CDH12: variants seen among roughly 807,000 people sequenced by gnomAD.
CDH12 encodes the protein cadherin 12.
A neutral mutation model predicts 74.1 loss-of-function variants in CDH12; 41 were observed. The ratio of observed to expected loss-of-function variants is 0.55; its 90% confidence interval spans 0.43 to 0.72. CDH12 has a LOEUF of 0.72. CDH12 is among the 30% of genes least tolerant of loss of function. The pLI, the probability that CDH12 is intolerant of heterozygous loss-of-function variation, is 0.00. For synonymous variants in CDH12, 399 were observed against 355.0 expected (o/e 1.12, Z -1.39); for missense variants, 945 against 977.2 (o/e 0.97, Z 0.44).
chr5:21,981,397 A>G (rs1437723352), intron 5 of CDH12, among the ~76,000 whole-genome samples: 2 of 151,870 alleles, frequency 1.3e-5, no homozygotes, highest in African/African-American at 2.4e-5. Flanking sequence ...TAATTGTTTT[A>G]TTATTTTCTA....
Position 21,842,177 on chromosome 5 carries a change from T to A in CDH12, c.798A>T (p.Pro266=). 1 of 1,609,782 alleles carries A rather than the reference T, an allele frequency of 6.2e-7. No individual in the cohort carries two copies. Among genetic ancestry groups the A allele is most frequent in the East Asian group, 2.2e-5 (1 of 44,758 alleles). The change falls in exon 8 of 15, where the codon CCA becomes CCT. Residue 266 remains proline, a synonymous_variant. Transcript: ENST00000382254. ...NITLTDVNDN[P]PRFPKSIFHL... is the part of the protein sequence containing the mutation. The stretch of plus-strand genomic sequence containing the variant: ...GTGACATACTTTTGGGGAATCGAGG[T>A]GGATTGTCATTGACATCGGTGAGAG...
rs372567541 is a variant in CDH12, at chr5:22,793,337, C to T, written c.-523+59721G>A. Among the ~76,000 whole-genome samples the T allele has an allele frequency of 9.5e-4, 145 of 152,212 alleles. 4 individuals carry two copies. In the South Asian group the frequency reaches 0.029, roughly 30 times the overall value. ...TATTATAGATTATTTTTCTGCTATA[C>T]AAATTATATACTGTGCCTTCCTGCT... On this transcript the variant is annotated intron_variant, in intron 1 of 14. Coordinates refer to ENST00000382254, the MANE Select transcript of CDH12 (RefSeq NM_004061.5).
At chr5:21,874,074 G>A (rs534149488) in intron 6 of CDH12, among the ~76,000 whole-genome samples, 1 of 152,090 alleles carries the variant, frequency 6.6e-6, no homozygotes, top group Non-Finnish European at 1.5e-5. Flanking sequence ...ATTTGCAAGC[G>A]TATATCTTTG....
At chr5:22,196,778 A>G (rs10052900) in intron 4 of CDH12, among the ~76,000 whole-genome samples, 58,338 of 151,922 alleles carry the variant, frequency 0.38, 11,510 homozygotes, top group African/African-American at 0.44. Flanking sequence ...ATCTCAGCCT[A>G]AAGTTCTTGT....
At chr5:22,324,623 A>T (rs1739010648) in intron 3 of CDH12, among the ~76,000 whole-genome samples, 1 of 151,734 alleles carries the variant, frequency 6.6e-6, no homozygotes, top group South Asian at 2.1e-4. Context: ...TTTATAAAAT[A>T]TATTTAGATA....
intron 6 of CDH12, among the ~76,000 whole-genome samples, chr5:21,880,687 CT>C (rs1314081161): frequency 7.5e-5 from 8 of 106,834 alleles, no homozygotes; most frequent in Non-Finnish European, 1.2e-4. Flanking sequence ...TTCTTTCTTT[CT>C]TTCTCTTTTC....
chr5:22,628,123 T>C (rs531376366), intron 1 of CDH12, among the ~76,000 whole-genome samples: 6 of 152,102 alleles, frequency 3.9e-5, no homozygotes, highest in Admixed American at 2.6e-4. Flanking sequence ...TACAAATCTA[T>C]GAAGAAACTT....
At chr5:21,914,367 C>T (rs990471843) in intron 6 of CDH12, among the ~76,000 whole-genome samples, 1 of 152,086 alleles carries the variant, frequency 6.6e-6, no homozygotes, top group Non-Finnish European at 1.5e-5. Flanking sequence ...GAGGAGCAGG[C>T]AACAATTTTC....
At chr5:21,999,563 A>C (rs1365191544) in intron 5 of CDH12, among the ~76,000 whole-genome samples, 1 of 152,148 alleles carries the variant, frequency 6.6e-6, no homozygotes, top group East Asian at 1.9e-4. Context: ...CGTAGCCATT[A>C]AATGTCTTCT....
intron 1 of CDH12, among the ~76,000 whole-genome samples, chr5:22,788,421 GAAGGA>G (rs1747748059): frequency 6.6e-6 from 1 of 151,580 alleles, no homozygotes; most frequent in Admixed American, 6.6e-5. Context: ...AGAGAAAGAC[GAAGGA>G]AAAGAGGTGA....
intron 3 of CDH12, among the ~76,000 whole-genome samples, chr5:22,219,886 A>G (rs1751952867): frequency 6.6e-6 from 1 of 151,816 alleles, no homozygotes; most frequent in Admixed American, 6.6e-5. Flanking sequence ...ACACACTAAG[A>G]AGATAACTCA....
At chr5:22,043,620 AG>A (rs111320964) in intron 5 of CDH12, among the ~76,000 whole-genome samples, 1,974 of 152,196 alleles carry the variant, frequency 0.013, 32 homozygotes, top group African/African-American at 0.043. Context: ...AAAAATAAAA[AG>A]CATCCAAATA....
At chr5:22,568,079 T>C (rs998510916) in intron 1 of CDH12, among the ~76,000 whole-genome samples, 40 of 152,216 alleles carry the variant, frequency 2.6e-4, no homozygotes, top group Admixed American at 2.0e-3. Flanking sequence ...ATAGAAGACT[T>C]TGACTTTTTA....
chr5:22,071,858 T>C (rs1381103567), intron 5 of CDH12, among the ~76,000 whole-genome samples: 1 of 152,164 alleles, frequency 6.6e-6, no homozygotes, highest in African/African-American at 2.4e-5. Flanking sequence ...CAGAAATCTG[T>C]GTCATTTTTT....
chr5:22,542,175 A>T (rs1275491678), intron 1 of CDH12, among the ~76,000 whole-genome samples: 1 of 152,200 alleles, frequency 6.6e-6, no homozygotes, highest in East Asian at 1.9e-4. Flanking sequence ...TACAGGTTAG[A>T]ATAAGAGAAG....
At chr5:21,910,600 T>C (rs762388418) in intron 6 of CDH12, among the ~76,000 whole-genome samples, 31 of 152,072 alleles carry the variant, frequency 2.0e-4, no homozygotes, top group Admixed American at 3.3e-4. Context: ...GAGGAGCTGA[T>C]GCTACTGTGA....
intron 5 of CDH12, among the ~76,000 whole-genome samples, chr5:22,004,851 G>GT (rs1736844738): frequency 6.6e-6 from 1 of 151,948 alleles, no homozygotes; most frequent in Non-Finnish European, 1.5e-5. Context: ...TCCTCTTTAT[G>GT]TCCATGTGTA....
intron 1 of CDH12, among the ~76,000 whole-genome samples, chr5:22,710,496 T>A (rs547193390): frequency 2.6e-5 from 4 of 152,290 alleles, no homozygotes; most frequent in Admixed American, 2.6e-4. Flanking sequence ...GTTTCTACCA[T>A]GTGCAAATGA....
intron 1 of CDH12, among the ~76,000 whole-genome samples, chr5:22,680,297 A>G (rs745883288): frequency 3.9e-5 from 6 of 152,114 alleles, no homozygotes; most frequent in Non-Finnish European, 7.4e-5. Context: ...TGAAAAAGTA[A>G]TGAATGAAAT....
Sources: allele counts gnomAD v4.1 joint callset (sites outside exome capture counted in the v4.1 genomes callset), GRCh38; gene constraint gnomAD v4.1.1; transcripts MANE v1.5; gene names NCBI Gene and HGNC (gene_info 2026-07-23, HGNC 2026-07-21).